TCF4: variants seen among roughly 807,000 people sequenced by gnomAD.
The protein encoded by TCF4 is transcription factor 4, also known as SL3-3 enhancer factor 2.
Under a neutral mutation model 82.1 loss-of-function variants are expected in TCF4, and 3 were observed. That is an observed-to-expected ratio of 0.04 (90% CI 0.02 to 0.09). TCF4 has a LOEUF of 0.09. Ranked by LOEUF, TCF4 falls within the 10% of genes least tolerant of loss-of-function variation. The pLI is 1.00. For synonymous variants in TCF4, 276 were observed against 309.6 expected, an observed-to-expected ratio of 0.89 and a Z score of 1.14; for missense variants, 518 against 852.7, an observed-to-expected ratio of 0.61 and a Z score of 4.89.
At position 55,616,526 on chromosome 18, in the gene TCF4, T is replaced by C. The variant is rs1008739667; in HGVS notation, c.286+14772A>G. On this transcript the variant is annotated intron_variant, in intron 2 of 20. Transcript: ENST00000398339. ...TATGGTGTTTCTATTTTTAATTCTT[T>C]AAGGAGTCTGTATACTGTTTTCCAT... Among the ~76,000 whole-genome samples the C allele has an allele frequency of 4.6e-5, 7 of 152,140 alleles. No individual in the cohort carries two copies. In the South Asian group the frequency reaches 1.4e-3, roughly 31 times the overall value.
At chr18:55,333,081 A>C (rs969367332) in intron 8 of TCF4, among the ~76,000 whole-genome samples, 2 of 152,242 alleles carry the variant, frequency 1.3e-5, no homozygotes, top group African/African-American at 4.8e-5. Flanking sequence ...TAACAAAGAA[A>C]TATTTTGTCT....
intron 8 of TCF4, among the ~76,000 whole-genome samples, chr18:55,341,922 C>G (rs2080066336): frequency 6.6e-6 from 1 of 152,180 alleles, no homozygotes; most frequent in Non-Finnish European, 1.5e-5. Context: ...TGACACAAGA[C>G]TGCAAATTTC....
At chr18:55,453,618 T>C (rs1425017855) in intron 5 of TCF4, among the ~76,000 whole-genome samples, 4 of 152,104 alleles carry the variant, frequency 2.6e-5, no homozygotes, top group African/African-American at 7.2e-5. Flanking sequence ...TAAACCTAGT[T>C]GGACTCTAAA....
chr18:55,255,176 C>T (rs1386679954), intron 14 of TCF4, among the ~76,000 whole-genome samples: 1 of 152,046 alleles, frequency 6.6e-6, no homozygotes, highest in Admixed American at 6.6e-5. Context: ...GTGCTAAGTA[C>T]CAAATCAGAG....
chr18:55,629,907 A>G (rs929232159), intron 2 of TCF4, among the ~76,000 whole-genome samples: 33 of 151,358 alleles, frequency 2.2e-4, no homozygotes, highest in Admixed American at 2.0e-3. Context: ...GTCAAAGTGG[A>G]AAAAAAAAGG....
At chr18:55,399,314 C>A (rs1333106792) in intron 6 of TCF4, among the ~76,000 whole-genome samples, 1 of 152,150 alleles carries the variant, frequency 6.6e-6, no homozygotes, top group Non-Finnish European at 1.5e-5. Context: ...AAATATGTTT[C>A]CTCCCTGGTC....
chr18:55,334,603 T>C (rs2078257100), intron 8 of TCF4, among the ~76,000 whole-genome samples: 1 of 152,164 alleles, frequency 6.6e-6, no homozygotes, highest in Admixed American at 6.5e-5. Flanking sequence ...TTTCTAGAAA[T>C]GAGAGTATAT....
chr18:55,270,016 G>C, intron 10 of TCF4, 53 bp from the exon 11 acceptor site: 1 of 1,606,702 alleles, frequency 6.2e-7, no homozygotes, highest in Non-Finnish European at 8.5e-7. Context: ...GGTATTTAGT[G>C]AGTTATTTTC....
intron 8 of TCF4, among the ~76,000 whole-genome samples, chr18:55,309,345 C>T (rs2071476246): frequency 2.0e-5 from 3 of 151,258 alleles, no homozygotes; most frequent in African/African-American, 7.3e-5. Context: ...TGATCTTGAA[C>T]TCCTGGGCTT....
At chr18:55,414,287 A>G (rs1368704308) in intron 5 of TCF4, among the ~76,000 whole-genome samples, 1 of 152,158 alleles carries the variant, frequency 6.6e-6, no homozygotes, top group Non-Finnish European at 1.5e-5. Context: ...GGTAACTGGA[A>G]CCTAAAATTG....
At chr18:55,442,110 A>AAT (rs2095448019) in intron 5 of TCF4, among the ~76,000 whole-genome samples, 1 of 152,254 alleles carries the variant, frequency 6.6e-6, no homozygotes, top group Admixed American at 6.5e-5. Context: ...CAATGTGCAA[A>AAT]ATAGTCCATT....
At chr18:55,365,191 ATGTGTGTGTGTGTGTGTG>A (rs1220531145) in intron 6 of TCF4, among the ~76,000 whole-genome samples, 44 of 97,772 alleles carry the variant, frequency 4.5e-4, no homozygotes, top group South Asian at 6.5e-4. Flanking sequence ...ATATATATAT[ATGTGTGTGTGTGTGTGTG>A]TATATATATG....
intron 6 of TCF4, among the ~76,000 whole-genome samples, chr18:55,373,195 T>C (rs566835559): frequency 3.3e-5 from 5 of 151,386 alleles, no homozygotes; most frequent in South Asian, 2.1e-4. Flanking sequence ...AATAAAAATA[T>C]ATAAAAAATA....
At chr18:55,426,520 C>G (rs909575764) in intron 5 of TCF4, among the ~76,000 whole-genome samples, 1 of 152,126 alleles carries the variant, frequency 6.6e-6, no homozygotes, top group African/African-American at 2.4e-5. Context: ...TTTAAAATTC[C>G]TGGTACCTCA....
chr18:55,330,968 T>C (rs184185761), intron 8 of TCF4, among the ~76,000 whole-genome samples: 1 of 152,354 alleles, frequency 6.6e-6, no homozygotes, highest in African/African-American at 2.4e-5. Context: ...ATTGTGACCA[T>C]ATAACCTTTG....
chr18:55,442,318 G>A (rs574216172), intron 5 of TCF4, among the ~76,000 whole-genome samples: 8 of 152,312 alleles, frequency 5.3e-5, no homozygotes, highest in Middle Eastern at 6.8e-3. Flanking sequence ...AATCAAGTTG[G>A]TCTTCAATTT....
chr18:55,320,569 G>A (rs2075250458), intron 8 of TCF4, among the ~76,000 whole-genome samples: 1 of 152,198 alleles, frequency 6.6e-6, no homozygotes, highest in Admixed American at 6.5e-5. Flanking sequence ...TACACTCACA[G>A]GCATATAGCA....
At chr18:55,560,395 T>C (rs1457231931) in intron 3 of TCF4, among the ~76,000 whole-genome samples, 3 of 152,332 alleles carry the variant, frequency 2.0e-5, no homozygotes, top group South Asian at 4.1e-4. Context: ...ATGTGCTAAA[T>C]TTAGGGCTCA....
chr18:55,295,819 T>C (rs1243042073), intron 8 of TCF4, among the ~76,000 whole-genome samples: 3 of 152,202 alleles, frequency 2.0e-5, no homozygotes, highest in African/African-American at 4.8e-5. Context: ...AACCCTTGCA[T>C]TTTGCCAGCT....
Sources: gnomAD v4.1 joint callset for allele counts (sites outside exome capture counted in the v4.1 genomes callset) on GRCh38, gnomAD v4.1.1 for gene constraint, MANE v1.5 for transcripts, NCBI Gene and HGNC (gene_info 2026-07-23, HGNC 2026-07-21) for gene names.